FCRL1: variants seen among roughly 807,000 people sequenced by gnomAD.
FCRL1 encodes Fc receptor like 1, also known as Fc receptor-like protein 1.
FCRL1 carries 34 observed loss-of-function variants against 49.2 expected under a neutral mutation model. That is an observed-to-expected ratio of 0.69 (90% CI 0.53 to 0.92). The LOEUF is 0.92. FCRL1 is among the 40% of genes least tolerant of loss of function. The pLI is 0.00. For missense variants in FCRL1, 524 were observed against 524.1 expected (o/e 1.00, Z 0.00); for synonymous variants, 218 against 201.6 (o/e 1.08, Z -0.69).
chr1:157,799,948 C>G, intron 7 of FCRL1, 110 bp downstream of exon 7: 1 of 867,088 alleles, frequency 1.2e-6, no homozygotes, highest in Non-Finnish European at 1.7e-6. Context: ...GGAGTGAGTT[C>G]TGGGTATAAT....
Position 157,801,923 on chromosome 1 carries a change from T to G in FCRL1, c.878A>C (p.Asn293Thr). ...CATAGCCTGAGCTATACCTGTGAAG[T>G]TGAGTGTCACCGCCTCACTGCGCTG... ...GAQRSEAVTL[N>T]FTVPTGARSN... Residue 293 changes from asparagine to threonine, a missense_variant, in exon 5 of 11, where the codon AAC (asparagine) becomes ACC (threonine). By Grantham distance (65) the Asn-to-Thr change is moderately conservative (BLOSUM62 0). Transcript: ENST00000368176. 1 of 1,612,962 alleles carries G rather than the reference T, an allele frequency of 6.2e-7. No individual in the cohort carries two copies. Among genetic ancestry groups the G allele is most frequent in the Non-Finnish European group, 8.5e-7 (1 of 1,179,388 alleles).
Position 157,803,946 on chromosome 1 carries a change from A to T in FCRL1, c.218T>A (p.Ile73Asn). 1 of 1,614,190 alleles carries T rather than the reference A, an allele frequency of 6.2e-7. No homozygotes were observed. Among genetic ancestry groups the T allele is most frequent in the Non-Finnish European group, 8.5e-7 (1 of 1,180,018 alleles). ...TGTGTCTTCTTTCCACATGGCAGCG[A>T]TCTGGAGCTTGGGGGAGCTGCTCCA... The part of the protein sequence containing the change: ...PGWSSSPKLQ[I>N]AAMWKEDTGS... The change falls in exon 3 of 11, where the codon ATC (isoleucine) becomes AAC (asparagine). Residue 73 changes from isoleucine to asparagine, a missense_variant. Ile to Asn is a moderately radical substitution (Grantham distance 149). Coordinates refer to ENST00000368176, the MANE Select transcript of FCRL1 (RefSeq NM_052938.5).
chr1:157,804,187 T>C, intron 2 of FCRL1, 76 bp from the exon 3 acceptor site: 1 of 1,552,084 alleles, frequency 6.4e-7, no homozygotes. Context: ...GTCTCAGCAC[T>C]TGCCAACAAG....
At chr1:157,819,069 TGA>T (rs970415473) in intron 1 of FCRL1, among the ~76,000 whole-genome samples, 1 of 152,056 alleles carries the variant, frequency 6.6e-6, no homozygotes, top group Non-Finnish European at 1.5e-5. Context: ...AACAGAAAGA[TGA>T]GAGAGTTTTC....
intron 1 of FCRL1, among the ~76,000 whole-genome samples, chr1:157,811,981 A>T (rs1557919472): frequency 6.6e-6 from 1 of 152,114 alleles, no homozygotes; most frequent in South Asian, 2.1e-4. Context: ...CCCAGTGGAG[A>T]AGTCAAGCCT....
intron 3 of FCRL1, 112 bp from the exon 4 acceptor site, chr1:157,802,776 T>C (rs547487869): frequency 1.7e-6 from 2 of 1,149,918 alleles, no homozygotes; most frequent in South Asian, 1.6e-5. Context: ...CAATGATGTA[T>C]ATAGCTTAAT....
Position 157,802,464 on chromosome 1 carries a change from T to A in FCRL1, c.520A>T (p.Arg174Trp). 1 of 1,614,212 alleles carries A rather than the reference T, an allele frequency of 6.2e-7. No individual in the cohort carries two copies. Among genetic ancestry groups the A allele is most frequent in the South Asian group, 1.1e-5 (1 of 91,088 alleles). ...TAATATTGCTCAGCATCACTCTCCCTCACTGAAGGAATCTCATACTCTGCT... is the reference window on the plus strand; with the variant it reads ...TAATATTGCTCAGCATCACTCTCCCACACTGAAGGAATCTCATACTCTGCT... The part of the protein sequence containing the change: ...LTAEYEIPSV[R>W]ESDAEQYYCV... Residue 174 changes from arginine (R) to tryptophan (W), a missense_variant, in exon 4 of 11, where the codon AGG (arginine) becomes TGG (tryptophan). Transcript: ENST00000368176.
At chr1:157,808,408 C>T (rs1536253) in intron 1 of FCRL1, among the ~76,000 whole-genome samples, 140,516 of 152,244 alleles carry the variant, frequency 0.92, 64,883 homozygotes, top group East Asian at 0.95. Context: ...AGGAAACAAG[C>T]CTTCTGAATA....
rs772378258 is a variant in FCRL1, at chr1:157,802,360, AG to A, written c.607+16del. On this transcript the variant is annotated intron_variant, in intron 4 of 10. Transcript: ENST00000368176. ...AGTTTGTGACTGGCTGGCTGAACGA[AG>A]GGTAGTGGAACTTACTTCTGACAGT... The A allele has an allele frequency of 5.0e-6, 8 of 1,610,332 alleles. No individual in the cohort carries two copies. Among genetic ancestry groups the A allele is most frequent in the Non-Finnish European group, 6.8e-6 (8 of 1,177,358 alleles).
At chr1:157,807,261 T>G in intron 1 of FCRL1, 139 bp from the exon 2 acceptor site, 1 of 751,598 alleles carries the variant, frequency 1.3e-6, no homozygotes, top group Non-Finnish European at 2.1e-6. Context: ...CCTCCCTCTT[T>G]CCCTCTTTCT....
At chr1:157,796,231 C>A (rs1571326055) in intron 10 of FCRL1, 61 bp from the exon 11 acceptor site, 2 of 1,366,714 alleles carry the variant, frequency 1.5e-6, no homozygotes, top group Admixed American at 1.7e-5. Flanking sequence ...CCACTGGTCC[C>A]CTTCCCCAGT....
At chr1:157,796,280 C>A (rs1557887302) in intron 10 of FCRL1, 110 bp from the exon 11 acceptor site, 2 of 862,234 alleles carry the variant, frequency 2.3e-6, no homozygotes, top group Non-Finnish European at 1.9e-6. Flanking sequence ...TCACGCAATG[C>A]AAAAATAAGG....
intron 2 of FCRL1, 172 bp downstream of exon 2, chr1:157,806,930 A>G (rs1653555463): frequency 1.6e-6 from 1 of 623,444 alleles, no homozygotes; most frequent in Non-Finnish European, 2.9e-6. Flanking sequence ...ATGTGAAGAC[A>G]GAGCAGCCCA....
intron 2 of FCRL1, among the ~76,000 whole-genome samples, chr1:157,806,159 G>A (rs1653403821): frequency 6.6e-6 from 1 of 152,188 alleles, no homozygotes; most frequent in Admixed American, 6.5e-5. Context: ...TAGGGGTAAA[G>A]ATGAGACCAG....
chr1:157,801,112 G>A (rs1374224517), intron 6 of FCRL1, among the ~76,000 whole-genome samples: 1 of 152,040 alleles, frequency 6.6e-6, no homozygotes, highest in African/African-American at 2.4e-5. Context: ...GGATGGTCTC[G>A]ATCTCCTGAC....
In FCRL1 at chr1:157,797,647, A is replaced by G. The variant is rs551411319; in HGVS notation, c.1186+221T>C. The G allele has an allele frequency of 2.6e-5, 32 of 1,212,322 alleles. No individual in the cohort carries two copies. The African/African-American group carries it at 3.6e-4, about 14-fold the overall frequency. 75.1% of individuals were successfully genotyped at this position (1,212,322 alleles called of 1,614,324 possible). A position where few individuals can be genotyped will look rare whatever the true frequency, so the allele number is the denominator to read the frequency against. On this transcript the variant is annotated intron_variant, in intron 9 of 10. Transcript: ENST00000368176. Reference sequence around the variant, plus strand: ...TTTCTAAGTGACTATAATTTAAGAAATTTGACAGCCCATCCCCAGGGGAAA... The same window carrying G: ...TTTCTAAGTGACTATAATTTAAGAAGTTTGACAGCCCATCCCCAGGGGAAA...
At chr1:157,804,352 AC>A (rs1271081926) in intron 2 of FCRL1, among the ~76,000 whole-genome samples, 1 of 151,254 alleles carries the variant, frequency 6.6e-6, no homozygotes, top group African/African-American at 2.4e-5. Flanking sequence ...AGTAACTCTT[AC>A]CTTTGACTTG....
chr1:157,800,156 T>A, intron 6 of FCRL1, 71 bp from the exon 7 acceptor site: 3 of 1,489,544 alleles, frequency 2.0e-6, no homozygotes, highest in Non-Finnish European at 2.8e-6. Flanking sequence ...AGTGTTTTCA[T>A]ACCCCCTGCA....
Position 157,794,694 on chromosome 1 carries a change from T to C in FCRL1, c.*1405A>G, listed in dbSNP as rs1368256288. ...ATGAATTTTTTGAGAGTCTCCTTAATGTCCACCAGTGATGAGAAGGATTAA... is the reference window on the plus strand; with the variant it reads ...ATGAATTTTTTGAGAGTCTCCTTAACGTCCACCAGTGATGAGAAGGATTAA... On this transcript the variant is annotated 3_prime_UTR_variant, in exon 11 of 11. Coordinates refer to ENST00000368176, the MANE Select transcript of FCRL1 (RefSeq NM_052938.5). The C allele has an allele frequency of 3.3e-5, 5 of 152,212 alleles. No homozygotes were observed. Among genetic ancestry groups the C allele is most frequent in the Non-Finnish European group, 5.9e-5 (4 of 68,022 alleles). 9.4% of individuals were successfully genotyped at this position (152,212 alleles called of 1,614,324 possible).
Sources: gnomAD v4.1 joint callset for allele counts (sites outside exome capture counted in the v4.1 genomes callset) on GRCh38, gnomAD v4.1.1 for gene constraint, MANE v1.5 for transcripts, NCBI Gene and HGNC (gene_info 2026-07-23, HGNC 2026-07-21) for gene names.